DLC1: variants seen among roughly 807,000 people sequenced by gnomAD.
DLC1 encodes rho GTPase-activating protein 7.
DLC1 carries 54 observed loss-of-function variants against 140.3 expected under a neutral mutation model. The ratio of observed to expected loss-of-function variants is 0.38; its 90% CI spans 0.31 to 0.48. The LOEUF (loss-of-function observed/expected upper bound fraction) is 0.48. Ranked by LOEUF, DLC1 falls within the 20% of genes least tolerant of loss-of-function variation. DLC1 has a pLI of 0.96. For synonymous variants in DLC1, 986 were observed against 728.1 expected, an observed-to-expected ratio of 1.35 and a Z score of -5.70; for missense variants, 2,536 against 1,907.0, an observed-to-expected ratio of 1.33 and a Z score of -6.14.
chr8:13,576,812 C>A (rs1361400882), intron 1 of DLC1, among the ~76,000 whole-genome samples: 1 of 152,126 alleles, frequency 6.6e-6, no homozygotes, highest in East Asian at 1.9e-4. Context: ...GGACTGTGTG[C>A]AAGGATAGAG....
intron 1 of DLC1, among the ~76,000 whole-genome samples, chr8:13,544,363 T>A (rs1310627407): frequency 6.6e-6 from 1 of 152,222 alleles, no homozygotes; most frequent in Non-Finnish European, 1.5e-5. Flanking sequence ...ACCTGTGGTC[T>A]TATTACTCTA....
chr8:13,208,412 C>T (rs1827774831), intron 5 of DLC1, among the ~76,000 whole-genome samples: 1 of 152,132 alleles, frequency 6.6e-6, no homozygotes, highest in South Asian at 2.1e-4. Context: ...TTCCCAAGAA[C>T]ATTATGAAGA....
At chr8:13,385,466 G>C (rs989133879) in intron 4 of DLC1, among the ~76,000 whole-genome samples, 2 of 152,120 alleles carry the variant, frequency 1.3e-5, no homozygotes, top group Non-Finnish European at 2.9e-5. Context: ...GAGTATAGTT[G>C]ATTGATTTAA....
chr8:13,569,679 C>G (rs534796409), intron 1 of DLC1, among the ~76,000 whole-genome samples: 2 of 152,240 alleles, frequency 1.3e-5, no homozygotes, highest in Admixed American at 1.3e-4. Context: ...ATACAGTTCC[C>G]AAATGTCAGC....
At chr8:13,207,981 T>A (rs115110722) in intron 5 of DLC1, among the ~76,000 whole-genome samples, 2 of 152,180 alleles carry the variant, frequency 1.3e-5, no homozygotes, top group Admixed American at 1.3e-4. Context: ...AATTACCAGT[T>A]GAGATTCTAT....
intron 5 of DLC1, among the ~76,000 whole-genome samples, chr8:13,141,675 G>C (rs1329077879): frequency 6.6e-6 from 1 of 152,110 alleles, no homozygotes; most frequent in South Asian, 2.1e-4. Flanking sequence ...ACAGCATGAT[G>C]GCCATTCTAG....
intron 2 of DLC1, among the ~76,000 whole-genome samples, chr8:13,467,645 T>G (rs1800001999): frequency 6.6e-6 from 1 of 152,092 alleles, no homozygotes; most frequent in African/African-American, 2.4e-5. Flanking sequence ...GTGAGAGGAT[T>G]GCTTGAGCCC....
chr8:13,578,544 A>G (rs1281840903), intron 1 of DLC1, among the ~76,000 whole-genome samples: 1 of 151,992 alleles, frequency 6.6e-6, no homozygotes, highest in East Asian at 1.9e-4. Context: ...AGATTCCTAT[A>G]GCAGGTAATA....
intron 7 of DLC1, among the ~76,000 whole-genome samples, chr8:13,106,710 G>A (rs769751814): frequency 2.0e-5 from 3 of 152,220 alleles, no homozygotes; most frequent in Non-Finnish European, 2.9e-5. Flanking sequence ...GCTTTGCATG[G>A]CTCAGGCATC....
At chr8:13,442,425 G>A (rs1798560222) in intron 2 of DLC1, among the ~76,000 whole-genome samples, 1 of 152,138 alleles carries the variant, frequency 6.6e-6, no homozygotes. Flanking sequence ...GCAACCTACA[G>A]AATGGGAGAA....
At chr8:13,548,301 C>G (rs917432956) in intron 1 of DLC1, among the ~76,000 whole-genome samples, 1 of 151,928 alleles carries the variant, frequency 6.6e-6, no homozygotes, top group Non-Finnish European at 1.5e-5. Flanking sequence ...TGGATATTGT[C>G]CATTTGTAAC....
chr8:13,357,632 C>A (rs78298571), intron 4 of DLC1, among the ~76,000 whole-genome samples: 3 of 152,196 alleles, frequency 2.0e-5, no homozygotes, highest in African/African-American at 7.2e-5. Context: ...ATTCTGAACA[C>A]AGTTTCAAGA....
chr8:13,424,863 T>C (rs1296523697), intron 2 of DLC1, among the ~76,000 whole-genome samples: 2 of 152,132 alleles, frequency 1.3e-5, no homozygotes, highest in Non-Finnish European at 2.9e-5. Context: ...ATGACAAAAT[T>C]AGTAATTTAA....
At chr8:13,217,712 C>T (rs1182768543) in intron 5 of DLC1, among the ~76,000 whole-genome samples, 1 of 151,888 alleles carries the variant, frequency 6.6e-6, no homozygotes, top group African/African-American at 2.4e-5. Context: ...GTGGTGGGCA[C>T]CTGTAGTCCC....
At chr8:13,177,268 ATT>A in intron 5 of DLC1, among the ~76,000 whole-genome samples, 1 of 152,268 alleles carries the variant, frequency 6.6e-6, no homozygotes, top group South Asian at 2.1e-4. Flanking sequence ...TTCATAATGT[ATT>A]TTATATCTTT....
chr8:13,365,675 G>T (rs1052678043), intron 4 of DLC1, among the ~76,000 whole-genome samples: 1 of 152,126 alleles, frequency 6.6e-6, no homozygotes, highest in African/African-American at 2.4e-5. Flanking sequence ...TTCCAGACAT[G>T]TGTCATTTCC....
intron 10 of DLC1, among the ~76,000 whole-genome samples, chr8:13,096,450 A>G (rs549710746): frequency 1.3e-5 from 2 of 152,302 alleles, no homozygotes; most frequent in East Asian, 1.9e-4. Flanking sequence ...AGGTAAAACG[A>G]AAGAGCAAAG....
intron 1 of DLC1, among the ~76,000 whole-genome samples, chr8:13,598,790 T>A (rs1322181409): frequency 1.3e-5 from 2 of 152,052 alleles, no homozygotes; most frequent in African/African-American, 4.8e-5. Context: ...AACTCCCTAG[T>A]ACATATTGTT....
chr8:13,506,821 G>A lies in DLC1; in HGVS notation c.-125-6625C>T, dbSNP rs559661183. Among the ~76,000 whole-genome samples the A allele has an allele frequency of 6.6e-4, 100 of 152,006 alleles. 1 individual carries two copies. Among genetic ancestry groups the A allele is most frequent in the African/African-American group, 2.4e-3 (98 of 41,484 alleles). On this transcript the variant is annotated intron_variant, in intron 1 of 17. Transcript: ENST00000276297. ...TAAAATGCTCTCTCAGCATATGAAC[G>A]AAGAAGAAGACACCTCTACATTTGG...
Sources: allele counts gnomAD v4.1 joint callset (sites outside exome capture counted in the v4.1 genomes callset), GRCh38; gene constraint gnomAD v4.1.1; transcripts MANE v1.5; gene names NCBI Gene and HGNC (gene_info 2026-07-23, HGNC 2026-07-21).